Variants in RBFOX1 observed in about 807,000 individuals in gnomAD.
RBFOX1 encodes RNA binding protein fox-1 homolog 1.
In RBFOX1, 8 loss-of-function variants were observed where a neutral mutation model predicts 57.7. That is an observed-to-expected ratio of 0.14 (90% CI 0.08 to 0.25). The LOEUF is 0.25. RBFOX1 is among the 10% of genes least tolerant of loss of function. RBFOX1 has a pLI of 1.00. For synonymous variants in RBFOX1, 326 were observed against 222.4 expected, an observed-to-expected ratio of 1.47 and a Z score of -4.15; for missense variants, 611 against 548.5, an observed-to-expected ratio of 1.11 and a Z score of -1.14.
At chr16:6,994,448 C>G (rs961966610) in intron 3 of RBFOX1, among the ~76,000 whole-genome samples, 1 of 152,174 alleles carries the variant, frequency 6.6e-6, no homozygotes, top group Admixed American at 6.5e-5. Flanking sequence ...CCCCAGCTCT[C>G]TCTTTTTAAT....
rs193229550 is a variant in RBFOX1, at chr16:6,105,701, T to A, written c.-127+85709T>A. ...TAGAAAAAAAATATATATATATATA[T>A]AAATTAATTCCCTTGTCATTCCTGT... On this transcript the variant is annotated intron_variant, in intron 1 of 15. Transcript: ENST00000550418. Among the ~76,000 whole-genome samples the A allele has an allele frequency of 9.8e-3, 1,480 of 151,384 alleles. 26 individuals carry two copies. Among genetic ancestry groups the A allele is most frequent in the African/African-American group, 0.034 (1,392 of 41,200 alleles).
intron 2 of RBFOX1, among the ~76,000 whole-genome samples, chr16:5,505,187 C>G (rs533819259): frequency 6.6e-6 from 1 of 152,270 alleles, no homozygotes; most frequent in African/African-American, 2.4e-5. Context: ...CTGCATAAAC[C>G]TCTTGTATGA....
chr16:7,297,527 G>C (rs1395803948), intron 4 of RBFOX1, among the ~76,000 whole-genome samples: 1 of 152,132 alleles, frequency 6.6e-6, no homozygotes, highest in East Asian at 1.9e-4. Flanking sequence ...GTGCTATGTA[G>C]CTTAGTCCAT....
chr16:6,241,645 G>C (rs1598724243), intron 1 of RBFOX1, among the ~76,000 whole-genome samples: 1 of 152,168 alleles, frequency 6.6e-6, no homozygotes, highest in Non-Finnish European at 1.5e-5. Context: ...TGCAACTACA[G>C]GGTGGCCATT....
intron 4 of RBFOX1, among the ~76,000 whole-genome samples, chr16:7,235,052 T>C (rs945918389): frequency 6.6e-6 from 1 of 152,198 alleles, no homozygotes; most frequent in Non-Finnish European, 1.5e-5. Context: ...GTGGAATTCT[T>C]CTTAGCAAGA....
intron 3 of RBFOX1, among the ~76,000 whole-genome samples, chr16:7,017,331 C>A (rs1312397512): frequency 6.6e-6 from 1 of 152,172 alleles, no homozygotes; most frequent in Non-Finnish European, 1.5e-5. Context: ...CAGCACCTTT[C>A]TATCTTGGCG....
chr16:7,107,359 T>G (rs951687506), intron 4 of RBFOX1, among the ~76,000 whole-genome samples: 1 of 152,122 alleles, frequency 6.6e-6, no homozygotes, highest in African/African-American at 2.4e-5. Flanking sequence ...TGGGGTATTA[T>G]TAGCTCAAAC....
intron 1 of RBFOX1, among the ~76,000 whole-genome samples, chr16:6,173,870 A>T (rs370820736): frequency 2.0e-5 from 3 of 151,772 alleles, no homozygotes; most frequent in African/African-American, 7.3e-5. Context: ...TTGGCCTCCC[A>T]AAGTGCTGTT....
In RBFOX1 at chr16:7,487,709, C is replaced by T. The variant is rs141495632; in HGVS notation, c.28-30438C>T. On this transcript the variant is annotated intron_variant, in intron 4 of 15. Transcript: ENST00000550418. ...CACACACACATGCATTCAAACCTCT[C>T]CATGCAGACACATTCTCTGGAGCAG... 1.3e-3 allele frequency among the ~76,000 whole-genome samples: 195 copies of T among 152,262 alleles called. 2 individuals carry two copies. The highest frequency in any genetic ancestry group is 4.3e-3 in the Admixed American group (65 of 15,284).
intron 3 of RBFOX1, among the ~76,000 whole-genome samples, chr16:6,955,821 T>G (rs547427283): frequency 2.6e-5 from 4 of 152,212 alleles, no homozygotes; most frequent in Non-Finnish European, 4.4e-5. Flanking sequence ...TTCTCCTGCC[T>G]CAGCCTCCTG....
At chr16:6,586,039 G>A (rs1415733112) in intron 2 of RBFOX1, among the ~76,000 whole-genome samples, 2 of 152,130 alleles carry the variant, frequency 1.3e-5, no homozygotes, top group East Asian at 1.9e-4. Flanking sequence ...TATAGAACAG[G>A]TACTAGCTGT....
intron 4 of RBFOX1, among the ~76,000 whole-genome samples, chr16:7,136,646 GC>G (rs1333309740): frequency 6.6e-6 from 1 of 152,058 alleles, no homozygotes; most frequent in Non-Finnish European, 1.5e-5. Context: ...TGAACTCCTG[GC>G]CTCAAACAAT....
At chr16:5,428,148 A>C (rs545585411) in intron 1 of RBFOX1, among the ~76,000 whole-genome samples, 1 of 146,040 alleles carries the variant, frequency 6.8e-6, no homozygotes, top group Non-Finnish European at 1.5e-5. Flanking sequence ...GTGTGTGTGT[A>C]TGTGTGTATG....
chr16:7,364,267 C>T (rs1429351992), intron 4 of RBFOX1, among the ~76,000 whole-genome samples: 2 of 152,024 alleles, frequency 1.3e-5, no homozygotes, highest in Admixed American at 1.3e-4. Flanking sequence ...CCAGGAAAGA[C>T]GGAACCCTTT....
intron 3 of RBFOX1, among the ~76,000 whole-genome samples, chr16:6,978,848 G>T (rs1215694901): frequency 1.3e-5 from 2 of 152,098 alleles, no homozygotes; most frequent in Non-Finnish European, 2.9e-5. Flanking sequence ...TCCCCTTCGC[G>T]CAGAGCTGCT....
intron 4 of RBFOX1, among the ~76,000 whole-genome samples, chr16:7,315,822 T>A (rs1603619191): frequency 6.6e-6 from 1 of 152,212 alleles, no homozygotes; most frequent in Non-Finnish European, 1.5e-5. Flanking sequence ...GTCTCATTGT[T>A]TTTAATTATG....
At chr16:6,941,300 C>CTCCT (rs57110590) in intron 3 of RBFOX1, among the ~76,000 whole-genome samples, 1,923 of 79,096 alleles carry the variant, frequency 0.024, 38 homozygotes, top group Middle Eastern at 0.043. Context: ...CCCTCCCTCC[C>CTCCT]TCCTTCCTTC....
intron 4 of RBFOX1, among the ~76,000 whole-genome samples, chr16:7,472,485 G>T (rs534696553): frequency 2.0e-5 from 3 of 152,170 alleles, no homozygotes; most frequent in African/African-American, 7.2e-5. Flanking sequence ...AACTTGCAAA[G>T]AAAAGATTAA....
chr16:5,598,291 G>T (rs2047254178), intron 2 of RBFOX1, among the ~76,000 whole-genome samples: 1 of 152,010 alleles, frequency 6.6e-6, no homozygotes, highest in Non-Finnish European at 1.5e-5. Flanking sequence ...GCAAAGTGTT[G>T]CTGGAGTGGA....
Sources: gnomAD v4.1 joint callset for allele counts (sites outside exome capture counted in the v4.1 genomes callset) on GRCh38, gnomAD v4.1.1 for gene constraint, MANE v1.5 for transcripts, NCBI Gene and HGNC (gene_info 2026-07-23, HGNC 2026-07-21) for gene names.